The following FOXM1 variants were observed in gnomAD, a reference collection of about 807,000 sequenced individuals.
FOXM1 encodes the protein forkhead box M1, also known as forkhead box protein M1.
A neutral mutation model predicts 63.6 loss-of-function variants in FOXM1; 25 were observed. The observed-to-expected ratio is 0.39, with a 90% CI of 0.29 to 0.55. The LOEUF (loss-of-function observed/expected upper bound fraction) is 0.55. FOXM1 is among the 20% of genes least tolerant of loss of function. FOXM1 has a pLI of 0.60. For synonymous variants in FOXM1, 387 were observed against 376.9 expected (o/e 1.03, Z -0.31); for missense variants, 879 against 958.7 (o/e 0.92, Z 1.10).
chr12:2,860,864 CA>C (rs57306758), intron 8 of FOXM1, among the ~76,000 whole-genome samples: 124 of 110,370 alleles, frequency 1.1e-3, no homozygotes, highest in Middle Eastern at 6.5e-3. Context: ...GACTCCATCT[CA>C]AAAAAAAAAA....
At chr12:2,860,883 C>T (rs2098110987) in intron 8 of FOXM1, among the ~76,000 whole-genome samples, 1 of 146,470 alleles carries the variant, frequency 6.8e-6, no homozygotes, top group Admixed American at 6.7e-5. Flanking sequence ...AAAAAACTCT[C>T]ACAGGCTGGG....
intron 3 of FOXM1, among the ~76,000 whole-genome samples, chr12:2,871,663 A>ATG (rs1555104592): frequency 0.018 from 2,612 of 147,676 alleles, 76 homozygotes; most frequent in African/African-American, 0.062. Context: ...AAAAAAAAAA[A>ATG]TATATATACG....
chr12:2,865,144 G>C (rs549611476), intron 6 of FOXM1, among the ~76,000 whole-genome samples: 1 of 152,296 alleles, frequency 6.6e-6, no homozygotes, highest in Admixed American at 6.5e-5. Context: ...GCCCTGCTCT[G>C]CTCAGTGTGC....
chr12:2,859,753 G>C, intron 8 of FOXM1, 90 bp from the exon 9 acceptor site: 1 of 946,120 alleles, frequency 1.1e-6, no homozygotes, highest in South Asian at 1.7e-5. Context: ...TCTTTGTGTC[G>C]TTTTGAAGTC....
chr12:2,858,002 C>A lies in FOXM1; in HGVS notation c.*636G>T, dbSNP rs577133082. 6.5e-6 allele frequency: 1 copy of A among 152,908 alleles called. No homozygotes were observed. Among genetic ancestry groups the A allele is most frequent in the Admixed American group, 6.5e-5 (1 of 15,294 alleles). The allele number at this position is 152,908 out of a possible 1,614,324, so 9.5% of individuals were successfully genotyped here. A position where few individuals can be genotyped will look rare whatever the true frequency, so the allele number is the denominator to read the frequency against. ...CAAAAGACTTTTTTAACCAGGATTTCTTCTTGCAGGAAAGCTGACTTGGAA... is the reference window on the plus strand; with the variant it reads ...CAAAAGACTTTTTTAACCAGGATTTATTCTTGCAGGAAAGCTGACTTGGAA... On this transcript the variant is annotated 3_prime_UTR_variant, in exon 9 of 9. Coordinates refer to ENST00000359843, the MANE Select transcript of FOXM1 (RefSeq NM_021953.4).
chr12:2,868,803 C>T, intron 3 of FOXM1, 49 bp from the exon 4 acceptor site: 8 of 1,474,362 alleles, frequency 5.4e-6, no homozygotes, highest in Non-Finnish European at 7.4e-6. Flanking sequence ...ATGAGAAGCA[C>T]CCCCAACCCA....
chr12:2,864,140 G>T lies in FOXM1; in HGVS notation c.1266+180C>A. On this transcript the variant is annotated intron_variant, in intron 8 of 8. Transcript: ENST00000359843. This position sits in a 1 kb window ranked among gnomAD's most constrained non-coding sequence, Gnocchi z 5.1. ...TGGGCCTTCTGACACCACTTACATT[G>T]TAATCCAAATACCTTTTTAGCTCTT... The T allele has an allele frequency of 3.3e-6, 2 of 607,440 alleles. No homozygotes were observed. The highest frequency in any genetic ancestry group is 5.8e-6 in the Non-Finnish European group (2 of 345,758). The allele number at this position is 607,440 out of a possible 1,614,324, so 37.6% of individuals were successfully genotyped here.
chr12:2,864,345 C>G lies in FOXM1; in HGVS notation c.1241G>C (p.Ser414Thr). The G allele has an allele frequency of 1.2e-6, 2 of 1,612,250 alleles. No individual in the cohort carries two copies. The highest frequency in any genetic ancestry group is 1.7e-6 in the Non-Finnish European group (2 of 1,178,606). ...SLMSSELARHSKRVRIAPKVL... is the reference protein window; with the variant it reads ...SLMSSELARHTKRVRIAPKVL... The stretch of plus-strand genomic sequence containing the variant: ...CTTGGGGGCAATGCGGACTCGCTTG[C>G]TATGGCGGGCAAGCTCTGAGCTCAT... Residue 414 changes from serine to threonine, a missense_variant, in exon 8 of 9, where the codon AGC (serine) becomes ACC (threonine). Coordinates refer to ENST00000359843, the MANE Select transcript of FOXM1 (RefSeq NM_021953.4). The surrounding 1 kb of genome is among the most constrained non-coding windows in gnomAD (Gnocchi z 5.1).
Position 2,874,044 on chromosome 12 carries a change from A to C in FOXM1, c.435T>G (p.Pro145=). Residue 145 remains proline, a synonymous_variant, in exon 2 of 9, where the codon CCT becomes CCG. Coordinates refer to ENST00000359843, the MANE Select transcript of FOXM1 (RefSeq NM_021953.4). This position sits in a 1 kb window ranked among gnomAD's most constrained non-coding sequence, Gnocchi z 4.3. ...EVTLETLGPK[P]AARDVNLPRP... ...TAGGAAGATTCACATCCCTAGCTGC[A>C]GGTTTTGGTCCCAAGGTCTCCAGGG... 6.2e-7 allele frequency: 1 copy of C among 1,614,122 alleles called. No homozygotes were observed. Among genetic ancestry groups the C allele is most frequent in the Non-Finnish European group, 8.5e-7 (1 of 1,180,032 alleles).
At chr12:2,871,361 A>G (rs1361558838) in intron 3 of FOXM1, among the ~76,000 whole-genome samples, 1 of 152,188 alleles carries the variant, frequency 6.6e-6, no homozygotes, top group Non-Finnish European at 1.5e-5. Flanking sequence ...TAAAATTCGT[A>G]TCTAGGCCAG....
intron 2 of FOXM1, 23 bp downstream of exon 2, chr12:2,873,954 C>T (rs199811179): frequency 1.3e-6 from 2 of 1,594,918 alleles, no homozygotes; most frequent in East Asian, 2.2e-5. Flanking sequence ...CTCCCTCACC[C>T]CTTTCCCTGG....
intron 8 of FOXM1, among the ~76,000 whole-genome samples, chr12:2,862,145 C>T (rs1296794047): frequency 6.7e-6 from 1 of 149,504 alleles, no homozygotes; most frequent in East Asian, 2.0e-4. Flanking sequence ...TGCCATTGCA[C>T]TCCAGCCTGG....
In FOXM1 at chr12:2,867,661, CA is replaced by C. The variant is rs112687501; in HGVS notation, c.846+901del. Among the ~76,000 whole-genome samples, 385 of 116,748 alleles carry C rather than the reference CA, an allele frequency of 3.3e-3. 1 individual carries two copies. The highest frequency in any genetic ancestry group is 7.9e-3 in the African/African-American group (246 of 31,250). 76.6% of individuals were successfully genotyped at this position (116,748 alleles called of 152,430 possible). A position where few individuals can be genotyped will look rare whatever the true frequency, so the allele number is the denominator to read the frequency against. On this transcript the variant is annotated intron_variant, in intron 4 of 8. Coordinates refer to ENST00000359843, the MANE Select transcript of FOXM1 (RefSeq NM_021953.4). ...TGGGTGACAGAGCGAGACTCCATCTCAAAAAAAAAAAAAACATAGTTCTACC... is the reference window on the plus strand; with the variant it reads ...TGGGTGACAGAGCGAGACTCCATCTCAAAAAAAAAAAAACATAGTTCTACC...
intron 3 of FOXM1, among the ~76,000 whole-genome samples, chr12:2,870,821 T>G (rs903883002): frequency 5.3e-5 from 8 of 151,604 alleles, no homozygotes; most frequent in African/African-American, 1.9e-4. Context: ...TAGCCGGGCG[T>G]GGCAGCGGGC....
At chr12:2,870,675 A>G (rs2098131600) in intron 3 of FOXM1, among the ~76,000 whole-genome samples, 1 of 151,640 alleles carries the variant, frequency 6.6e-6, no homozygotes, top group Non-Finnish European at 1.5e-5. Context: ...AAGAAAAAAA[A>G]AGAGGCCGGG....
Position 2,859,262 on chromosome 12 carries a change from A to T in FOXM1, c.1668T>A (p.Asp556Glu). 1.2e-6 allele frequency: 2 copies of T among 1,613,770 alleles called. No homozygotes were observed. The highest frequency in any genetic ancestry group is 1.7e-6 in the Non-Finnish European group (2 of 1,180,002). Residue 556 changes from aspartate (D) to glutamate (E), a missense_variant, in exon 9 of 9, where the codon GAT (aspartate) becomes GAA (glutamate). Around this residue, in one of 4 missense-constraint regions of FOXM1, gnomAD observed 486 missense variants for 453.5 expected, o/e 1.07. Transcript: ENST00000359843. ...CCTCTGAGAAGAGCAGCTCCGGCTC[A>T]TCCACACAGGGAGGCAGTAGATGCT... The part of the protein sequence containing the change: ...RKQHLLPPCV[D>E]EPELLFSEGP...
intron 3 of FOXM1, among the ~76,000 whole-genome samples, chr12:2,871,142 C>T (rs1381386840): frequency 6.6e-6 from 1 of 151,754 alleles, no homozygotes; most frequent in Admixed American, 6.6e-5. Flanking sequence ...ACACTAAACC[C>T]CAGCGACACA....
At chr12:2,868,260 A>G (rs563517821) in intron 4 of FOXM1, 1 of 244,636 alleles carries the variant, frequency 4.1e-6, no homozygotes, top group African/African-American at 2.2e-5. Context: ...TCATAAAACT[A>G]CTTAGCCACT....
chr12:2,864,639 C>T lies in FOXM1; in HGVS notation c.1090+44G>A. ...GAGTCTGGTTCCCTAAAGATATGGC[C>T]CCAGAACAAGGACCAGGCCCAAGGC... On this transcript the variant is annotated intron_variant, in intron 7 of 8. Coordinates refer to ENST00000359843, the MANE Select transcript of FOXM1 (RefSeq NM_021953.4). This position sits in a 1 kb window ranked among gnomAD's most constrained non-coding sequence, Gnocchi z 5.1. The T allele has an allele frequency of 1.2e-6, 2 of 1,603,796 alleles. No homozygotes were observed. The highest frequency in any genetic ancestry group is 1.7e-6 in the Non-Finnish European group (2 of 1,170,806).
Sources: allele counts gnomAD v4.1 joint callset (sites outside exome capture counted in the v4.1 genomes callset), GRCh38; gene constraint gnomAD v4.1.1; regional missense constraint gnomAD v4.1.1; non-coding constraint Gnocchi (gnomAD v3.1); transcripts MANE v1.5; gene names NCBI Gene and HGNC (gene_info 2026-07-23, HGNC 2026-07-21).